The following MAPK10 variants were observed in gnomAD, a reference collection of about 807,000 sequenced individuals.
The protein encoded by MAPK10 is mitogen-activated protein kinase 10.
A neutral mutation model predicts 59.3 loss-of-function variants in MAPK10; 25 were observed. The ratio of observed to expected loss-of-function variants is 0.42; its 90% CI spans 0.31 to 0.59. MAPK10 has a LOEUF of 0.59. Among genes scored for constraint, MAPK10 ranks in the 20% least tolerant of loss-of-function variants. MAPK10 has a pLI of 0.15. For missense variants in MAPK10, 351 were observed against 568.9 expected, an observed-to-expected ratio of 0.62 and a Z score of 3.90; for synonymous variants, 190 against 200.5, an observed-to-expected ratio of 0.95 and a Z score of 0.44.
At chr4:86,070,525 A>G (rs1177419337) in intron 9 of MAPK10, among the ~76,000 whole-genome samples, 7 of 148,292 alleles carry the variant, frequency 4.7e-5, no homozygotes, top group Admixed American at 1.3e-4. Flanking sequence ...ATATCTCCCA[A>G]TGCTATCCTT....
upstream of MAPK10, among the ~76,000 whole-genome samples, chr4:86,361,130 T>C (rs1032946973): frequency 3.9e-5 from 6 of 152,326 alleles, no homozygotes; most frequent in East Asian, 1.9e-4. Flanking sequence ...ACCAGAAAGA[T>C]ACAACATGCA....
At chr4:86,328,002 C>G (rs1460755) in intron 2 of MAPK10, among the ~76,000 whole-genome samples, 106,772 of 151,884 alleles carry the variant, frequency 0.7, 38,775 homozygotes, top group South Asian at 0.9. Flanking sequence ...TAAAATCTTC[C>G]TATGGTTTGA....
At chr4:86,312,360 A>G (rs1372983973) in intron 2 of MAPK10, among the ~76,000 whole-genome samples, 1 of 152,110 alleles carries the variant, frequency 6.6e-6, no homozygotes, top group Non-Finnish European at 1.5e-5. Flanking sequence ...AATTTTTATT[A>G]CGTGTGACTA....
intron 3 of MAPK10, chr4:86,192,966 T>A (rs1477221195): frequency 2.6e-5 from 4 of 152,294 alleles, no homozygotes; most frequent in South Asian, 2.1e-4. Context: ...TTTGTGTGAA[T>A]GTCCTTTTTG....
At chr4:86,428,024 T>A (rs2149038532) in intron 1 of MAPK10, among the ~76,000 whole-genome samples, 1 of 152,248 alleles carries the variant, frequency 6.6e-6, no homozygotes, top group African/African-American at 2.4e-5. Context: ...CCTTATTCTG[T>A]AAAGTAGAAT....
intron 1 of MAPK10, among the ~76,000 whole-genome samples, chr4:86,359,066 A>G (rs969017618): frequency 6.6e-6 from 1 of 152,042 alleles, no homozygotes; most frequent in African/African-American, 2.4e-5. Flanking sequence ...CAATAGTTTT[A>G]TATCTAATAT....
chr4:86,495,306 A>G (rs1318692196), intron 1 of MAPK10, among the ~76,000 whole-genome samples: 3 of 152,254 alleles, frequency 2.0e-5, no homozygotes, highest in Admixed American at 2.0e-4. Flanking sequence ...AACATACTCA[A>G]AAGTAGATAA....
chr4:86,414,291 C>G (rs1489357409), intron 1 of MAPK10, among the ~76,000 whole-genome samples: 2 of 152,090 alleles, frequency 1.3e-5, no homozygotes, highest in Admixed American at 6.6e-5. Context: ...TGGCTTTACC[C>G]CCAGCTCCAG....
At position 86,378,500 on chromosome 4, in the gene MAPK10, T is replaced by C. The variant is rs572453028; in HGVS notation, c.-121-23856A>G. 2.0e-3 allele frequency among the ~76,000 whole-genome samples: 298 copies of C among 152,200 alleles called. 2 individuals are homozygous for C. Among genetic ancestry groups the C allele is most frequent in the African/African-American group, 7.0e-3 (290 of 41,530 alleles). On this transcript the variant is annotated intron_variant, in intron 1 of 13. Coordinates refer to the MAPK10 transcript ENST00000361569. ...TACAGCAGTTACTCTTTTCGACATATTAAATGTTGATATGTTCATTTTCTG... is the reference window on the plus strand; with the variant it reads ...TACAGCAGTTACTCTTTTCGACATACTAAATGTTGATATGTTCATTTTCTG...
At chr4:86,531,853 C>G (rs2149091650) in intron 1 of MAPK10, among the ~76,000 whole-genome samples, 1 of 152,094 alleles carries the variant, frequency 6.6e-6, no homozygotes, top group South Asian at 2.1e-4. Flanking sequence ...GTGACAGGAG[C>G]CACTCATCTC....
At chr4:86,053,336 A>G (rs530729180) in intron 11 of MAPK10, among the ~76,000 whole-genome samples, 18 of 152,322 alleles carry the variant, frequency 1.2e-4, no homozygotes, top group African/African-American at 4.3e-4. Flanking sequence ...CTCCTTGAAC[A>G]TGTATACACA....
intron 1 of MAPK10, among the ~76,000 whole-genome samples, chr4:86,544,301 A>T (rs1252107829): frequency 6.6e-6 from 1 of 152,238 alleles, no homozygotes; most frequent in African/African-American, 2.4e-5. Flanking sequence ...AGTCCCTCAA[A>T]TTAAAAACAA....
At chr4:86,337,912 G>A (rs72868827) in intron 2 of MAPK10, among the ~76,000 whole-genome samples, 70 of 152,180 alleles carry the variant, frequency 4.6e-4, no homozygotes, top group African/African-American at 1.7e-3. Flanking sequence ...TCAGCTAATT[G>A]CTCAAATTCC....
chr4:86,389,877 A>G (rs1230482141), intron 1 of MAPK10, among the ~76,000 whole-genome samples: 1 of 152,210 alleles, frequency 6.6e-6, no homozygotes, highest in Non-Finnish European at 1.5e-5. Context: ...TTTCAAACAG[A>G]TGAGTCTGCA....
upstream of MAPK10, among the ~76,000 whole-genome samples, chr4:86,365,022 G>A (rs993818763): frequency 5.3e-5 from 8 of 151,840 alleles, no homozygotes; most frequent in Admixed American, 3.3e-4. Flanking sequence ...ATACATATTG[G>A]GATTATTATG....
chr4:86,085,964 A>AC (rs1232484461), intron 9 of MAPK10, among the ~76,000 whole-genome samples: 1 of 152,192 alleles, frequency 6.6e-6, no homozygotes, highest in African/African-American at 2.4e-5. Flanking sequence ...GGAGATGAAC[A>AC]ATGAGAACAC....
intron 11 of MAPK10, among the ~76,000 whole-genome samples, chr4:86,047,890 T>C (rs1192049651): frequency 6.6e-6 from 1 of 152,126 alleles, no homozygotes; most frequent in South Asian, 2.1e-4. Flanking sequence ...TTCTGCAGAA[T>C]GGACCACAAG....
intron 2 of MAPK10, among the ~76,000 whole-genome samples, chr4:86,339,557 A>G (rs971428808): frequency 6.6e-6 from 1 of 152,222 alleles, no homozygotes; most frequent in Non-Finnish European, 1.5e-5. Flanking sequence ...TCTTTTCCAA[A>G]TATATTCAAC....
At chr4:86,122,873 T>A (rs950505630) in intron 4 of MAPK10, among the ~76,000 whole-genome samples, 13 of 152,132 alleles carry the variant, frequency 8.5e-5, no homozygotes, top group African/African-American at 2.9e-4. Context: ...AAAGCATCAA[T>A]GATGTCTTCA....
Sources: allele counts gnomAD v4.1 joint callset (sites outside exome capture counted in the v4.1 genomes callset), GRCh38; gene constraint gnomAD v4.1.1; transcripts MANE v1.5; gene names NCBI Gene and HGNC (gene_info 2026-07-23, HGNC 2026-07-21).